The following ADAP1 variants were observed in gnomAD, a reference collection of about 807,000 sequenced individuals.
ADAP1 encodes ArfGAP with dual PH domains 1.
In ADAP1, 31 loss-of-function variants were observed where a neutral mutation model predicts 54.9. The ratio of observed to expected loss-of-function variants is 0.56; its 90% CI spans 0.42 to 0.76. The LOEUF is 0.76. Ranked by LOEUF, ADAP1 falls within the 30% of genes least tolerant of loss-of-function variation. The pLI is 0.00. For missense variants in ADAP1, 535 were observed against 512.4 expected (o/e 1.04, Z -0.42); for synonymous variants, 313 against 202.6 (o/e 1.55, Z -4.63).
chr7:919,679 GGAGA>G (rs145787797), intron 4 of ADAP1, among the ~76,000 whole-genome samples: 40 of 65,754 alleles, frequency 6.1e-4, no homozygotes, highest in South Asian at 1.7e-3. Context: ...ACAGAAGGAG[GGAGA>G]GAGAGAGAGA....
At position 942,936 on chromosome 7, in the gene ADAP1, G is replaced by T. The variant is rs796221254; in HGVS notation, c.83-7431C>A. Among the ~76,000 whole-genome samples the T allele has an allele frequency of 9.5e-3, 132 of 13,950 alleles. 2 individuals are homozygous for T. Among genetic ancestry groups the T allele is most frequent in the African/African-American group, 0.03 (40 of 1,332 alleles). 9.2% of individuals were successfully genotyped at this position (13,950 alleles called of 152,430 possible). ...GAGAGAGGAGGAGGAAGGGAGTGAG[G>T]AGGAGGAAGAGAGAGGAGGAGGAAG... On this transcript the variant is annotated intron_variant, in intron 1 of 10. Transcript: ENST00000265846.
Position 926,739 on chromosome 7 carries a change from C to T in ADAP1, c.214-95G>A. The T allele has an allele frequency of 9.7e-7, 1 of 1,035,638 alleles. No individual in the cohort carries two copies. The highest frequency in any genetic ancestry group is 1.4e-6 in the Non-Finnish European group (1 of 734,014). The allele number at this position is 1,035,638 out of a possible 1,614,324, so 64.2% of individuals were successfully genotyped here. A position where few individuals can be genotyped will look rare whatever the true frequency, so the allele number is the denominator to read the frequency against. ...TTGGGGCCGTCACCACAGTGACCCG[C>T]AGACCCAAGGCTCTGAGGGCTCCAC... On this transcript the variant is annotated intron_variant, in intron 2 of 10. Coordinates refer to ENST00000265846, the MANE Select transcript of ADAP1 (RefSeq NM_006869.4). The surrounding 1 kb of genome is among the most constrained non-coding windows in gnomAD (Gnocchi z 4.6).
chr7:906,707 G>GAA (rs1562915332), intron 4 of ADAP1, among the ~76,000 whole-genome samples: 18 of 31,374 alleles, frequency 5.7e-4, no homozygotes, highest in East Asian at 5.6e-3. Flanking sequence ...GGACATGGGG[G>GAA]ACGGGACATC....
intron 6 of ADAP1, among the ~76,000 whole-genome samples, chr7:903,766 G>C (rs1298199961): frequency 1.3e-5 from 2 of 152,160 alleles, no homozygotes; most frequent in Non-Finnish European, 2.9e-5. Context: ...TTCCCCCCGA[G>C]GTCCCCTCTG....
chr7:929,376 C>T lies in ADAP1; in HGVS notation c.214-2732G>A, dbSNP rs186789890. Reference sequence around the variant, plus strand: ...GGACACACGGTGCCCATGGAGGAAACCAGACACAAAACACCACGAATCGGC... The same window carrying T: ...GGACACACGGTGCCCATGGAGGAAATCAGACACAAAACACCACGAATCGGC... On this transcript the variant is annotated intron_variant, in intron 2 of 10. Coordinates refer to ENST00000265846, the MANE Select transcript of ADAP1 (RefSeq NM_006869.4). Among the ~76,000 whole-genome samples, 585 of 151,684 alleles carry T rather than the reference C, an allele frequency of 3.9e-3. 4 individuals carry two copies. Among genetic ancestry groups the T allele is most frequent in the African/African-American group, 0.013 (552 of 41,316 alleles).
chr7:930,405 C>T (rs78582080), intron 2 of ADAP1, among the ~76,000 whole-genome samples: 68,190 of 105,812 alleles, frequency 0.64, 20,885 homozygotes, highest in African/African-American at 0.8. Context: ...GGGCCGGGCG[C>T]GGTGGCTCAC....
At chr7:900,410 T>TG in intron 7 of ADAP1, 123 bp downstream of exon 7, 2 of 1,128,134 alleles carry the variant, frequency 1.8e-6, no homozygotes, top group Non-Finnish European at 2.5e-6. Context: ...GGTGAGCCCT[T>TG]GGCCAGTCCC....
At chr7:951,512 G>A (rs1431255816) in intron 1 of ADAP1, among the ~76,000 whole-genome samples, 1 of 152,180 alleles carries the variant, frequency 6.6e-6, no homozygotes, top group Non-Finnish European at 1.5e-5. Flanking sequence ...GGGAGTTGGA[G>A]GTTGCAGTGA....
intron 3 of ADAP1, chr7:922,856 C>A: frequency 6.8e-6 from 1 of 147,542 alleles, no homozygotes; most frequent in East Asian, 2.0e-4. Context: ...CCCCCACCCC[C>A]GCCACCCCCG....
chr7:916,978 A>G (rs13226347), intron 4 of ADAP1, among the ~76,000 whole-genome samples: 5,038 of 33,450 alleles, frequency 0.15, 136 homozygotes, highest in Middle Eastern at 0.27. Context: ...GGAGGTGCAC[A>G]GGAGGGGTGC....
At chr7:913,346 G>A (rs924688270) in intron 4 of ADAP1, among the ~76,000 whole-genome samples, 7 of 151,760 alleles carry the variant, frequency 4.6e-5, no homozygotes, top group African/African-American at 9.7e-5. Context: ...GACTACAGGC[G>A]CCCGCCACCA....
chr7:907,616 A>C (rs1333907762), intron 4 of ADAP1, among the ~76,000 whole-genome samples: 1 of 151,960 alleles, frequency 6.6e-6, no homozygotes, highest in Non-Finnish European at 1.5e-5. Context: ...CGTGGTTCCT[A>C]TCGTTGCCCG....
upstream of ADAP1, among the ~76,000 whole-genome samples, chr7:954,991 A>C (rs572439068): frequency 6.6e-6 from 1 of 152,162 alleles, no homozygotes; most frequent in East Asian, 1.9e-4. Context: ...GAGCCCCCCA[A>C]GACCATGGGC....
At position 905,447 on chromosome 7, in the gene ADAP1, GGGAGAAAGGGAAA is replaced by G. The variant is rs1262210847; in HGVS notation, c.389-288_389-276del. 141 of 56,184 alleles carry G rather than the reference GGGAGAAAGGGAAA, an allele frequency of 2.5e-3. 11 individuals carry two copies. The highest frequency in any genetic ancestry group is 5.5e-3 in the African/African-American group (14 of 2,524). The allele number at this position is 56,184 out of a possible 1,614,324, so 3.5% of individuals were successfully genotyped here. A position where few individuals can be genotyped will look rare whatever the true frequency, so the allele number is the denominator to read the frequency against. On this transcript the variant is annotated intron_variant, in intron 4 of 10. Transcript: ENST00000265846. ...AAAGGAGAAAGGAGAAAGGGAGAAA[GGGAGAAAGGGAAA>G]GGAGAAAGGAGAAAGGGAAAGGAGA...
chr7:900,418 C>T, intron 7 of ADAP1, 115 bp downstream of exon 7: 1 of 1,214,312 alleles, frequency 8.2e-7, no homozygotes, highest in Non-Finnish European at 1.2e-6. Flanking sequence ...CTTGGCCAGT[C>T]CCAGGCCCAC....
chr7:928,742 C>T (rs767249088), intron 2 of ADAP1, among the ~76,000 whole-genome samples: 1 of 152,202 alleles, frequency 6.6e-6, no homozygotes, highest in Admixed American at 6.5e-5. Context: ...TCAGAGCCCC[C>T]GCACGCTGCT....
intron 4 of ADAP1, 115 bp downstream of exon 4, chr7:919,853 A>AAGAGATGGGGGAGGGAGGGAC: frequency 1.6e-5 from 2 of 127,914 alleles, no homozygotes; most frequent in East Asian, 2.3e-4. Flanking sequence ...GAGGGAGGGA[A>AAGAGATGGGGGAGGGAGGGAC]AGAGATGGGG....
intron 4 of ADAP1, among the ~76,000 whole-genome samples, chr7:907,367 G>T (rs1380481415): frequency 6.6e-6 from 1 of 152,162 alleles, no homozygotes; most frequent in Non-Finnish European, 1.5e-5. Context: ...TGAGGCCAGA[G>T]GGGGCCCCAG....
rs763281215 is a variant in ADAP1 at position 900,168 on chromosome 7, G to A, written c.733-4C>T. Reference sequence around the variant, plus strand: ...TCCTGGAGAGCTTTGGCACCAGCTAGGGCAGGACACACCAGGCAGGGGACC... The same window carrying A: ...TCCTGGAGAGCTTTGGCACCAGCTAAGGCAGGACACACCAGGCAGGGGACC... On this transcript the variant is annotated splice_polypyrimidine_tract_variant and splice_region_variant and intron_variant, in intron 7 of 10. Coordinates refer to ENST00000265846, the MANE Select transcript of ADAP1 (RefSeq NM_006869.4). The A allele has an allele frequency of 5.6e-6, 9 of 1,613,084 alleles. 1 individual carries two copies. In the South Asian group the frequency reaches 8.8e-5, roughly 16 times the overall value.
Sources: gnomAD v4.1 joint callset for allele counts (sites outside exome capture counted in the v4.1 genomes callset) on GRCh38, gnomAD v4.1.1 for gene constraint, Gnocchi (gnomAD v3.1) non-coding constraint, MANE v1.5 for transcripts, NCBI Gene and HGNC (gene_info 2026-07-23, HGNC 2026-07-21) for gene names.